NDUFAF6: variants seen among roughly 807,000 people sequenced by gnomAD.
NDUFAF6 encodes the protein NADH dehydrogenase (ubiquinone) complex I, assembly factor 6.
In NDUFAF6, 45 loss-of-function variants were observed where a neutral mutation model predicts 40.8. The ratio of observed to expected loss-of-function variants is 1.10; its 90% CI spans 0.87 to 1.42. The LOEUF is 1.42. NDUFAF6 is among the 40% of genes most tolerant of loss of function. The pLI is 0.00. For missense variants in NDUFAF6, 435 were observed against 418.5 expected (o/e 1.04, Z -0.34); for synonymous variants, 185 against 155.9 (o/e 1.19, Z -1.39).
chr8:95,011,919 G>C (rs952192117), intron 2 of NDUFAF6, among the ~76,000 whole-genome samples: 1 of 152,122 alleles, frequency 6.6e-6, no homozygotes, highest in Non-Finnish European at 1.5e-5. Flanking sequence ...TCTCTTTCCT[G>C]TACTGAAATT....
At chr8:94,921,454 A>G (rs1819497749) in intron 1 of NDUFAF6, among the ~76,000 whole-genome samples, 1 of 152,194 alleles carries the variant, frequency 6.6e-6, no homozygotes, top group African/African-American at 2.4e-5. Flanking sequence ...GGAGCTGGGA[A>G]TAGTGAATGC....
At chr8:94,899,066 A>G (rs776382587) in intron 1 of NDUFAF6, among the ~76,000 whole-genome samples, 3 of 152,192 alleles carry the variant, frequency 2.0e-5, no homozygotes, top group Admixed American at 1.3e-4. Context: ...AGGAAAAAAA[A>G]TCTTTGTATT....
At position 94,909,813 on chromosome 8, in the gene NDUFAF6, T is replaced by C. The variant is rs540490407; in HGVS notation, c.-936+13886T>C. 4.6e-3 allele frequency among the ~76,000 whole-genome samples: 681 copies of C among 146,936 alleles called. 4 individuals carry two copies. The highest frequency in any genetic ancestry group is 0.014 in the African/African-American group (550 of 39,632). ...GTATATATATACACATATATATATA[T>C]ACACACACACACACACATATATATA... On this transcript the variant is annotated intron_variant, in intron 1 of 14. Transcript: ENST00000396113.
intron 7 of NDUFAF6, among the ~76,000 whole-genome samples, chr8:95,049,142 CA>C (rs779048550): frequency 1.5e-4 from 23 of 152,156 alleles, no homozygotes; most frequent in Non-Finnish European, 2.6e-4. Context: ...CTCTAATAAA[CA>C]ATCACGAGTT....
intron 1 of NDUFAF6, among the ~76,000 whole-genome samples, chr8:94,978,516 G>C (rs757147246): frequency 6.6e-6 from 1 of 152,112 alleles, no homozygotes; most frequent in Non-Finnish European, 1.5e-5. Context: ...AGGAGTTTGA[G>C]ACTAGCTCTG....
intron 1 of NDUFAF6, 152 bp from the exon 2 acceptor site, chr8:95,031,843 C>T (rs565570217): frequency 3.5e-5 from 24 of 686,458 alleles, no homozygotes; most frequent in Admixed American, 1.1e-4. Context: ...TCAGGTGATC[C>T]GCCCGCCTTG....
chr8:95,051,934 G>A (rs775463375), intron 7 of NDUFAF6, among the ~76,000 whole-genome samples: 3 of 152,128 alleles, frequency 2.0e-5, no homozygotes, highest in Non-Finnish European at 4.4e-5. Flanking sequence ...ATGAGATATT[G>A]TAAGGTCGCT....
At chr8:94,914,683 G>A (rs943154766) in intron 1 of NDUFAF6, among the ~76,000 whole-genome samples, 4 of 152,134 alleles carry the variant, frequency 2.6e-5, no homozygotes, top group African/African-American at 9.7e-5. Context: ...TCAGCACTTT[G>A]GGAGGCCAAG....
At chr8:95,072,109 A>T (rs1832885695) in intron 9 of NDUFAF6, 1 of 152,266 alleles carries the variant, frequency 6.6e-6, no homozygotes, top group South Asian at 2.1e-4. Context: ...CATAAACCTC[A>T]GGACCAGCAC....
chr8:94,908,698 C>T (rs1215958260), intron 1 of NDUFAF6, among the ~76,000 whole-genome samples: 1 of 152,116 alleles, frequency 6.6e-6, no homozygotes, highest in African/African-American at 2.4e-5. Flanking sequence ...ACATCTTTAT[C>T]GTTCACAAGT....
chr8:94,943,392 C>T (rs1008823334), intron 1 of NDUFAF6, among the ~76,000 whole-genome samples: 18 of 152,074 alleles, frequency 1.2e-4, no homozygotes, highest in African/African-American at 3.4e-4. Flanking sequence ...GGGAGGCTGA[C>T]GTGGGAGGAT....
At chr8:95,110,472 T>C (rs1435911166) in intron 4 of NDUFAF6, among the ~76,000 whole-genome samples, 1 of 152,196 alleles carries the variant, frequency 6.6e-6, no homozygotes, top group Non-Finnish European at 1.5e-5. Flanking sequence ...TAACATACAT[T>C]GAGTGCTTCT....
chr8:94,937,751 T>C (rs1821133043), intron 1 of NDUFAF6, among the ~76,000 whole-genome samples: 1 of 152,194 alleles, frequency 6.6e-6, no homozygotes, highest in South Asian at 2.1e-4. Context: ...TTTTAAACCT[T>C]ATGTCAAAAT....
At chr8:94,927,875 T>A (rs1043195387) in intron 1 of NDUFAF6, 4 of 151,358 alleles carry the variant, frequency 2.6e-5, no homozygotes, top group African/African-American at 9.7e-5. Flanking sequence ...AAGAAATATG[T>A]CTAAAGCGCA....
At chr8:94,927,812 C>T (rs1820031970) in intron 1 of NDUFAF6, 1 of 152,330 alleles carries the variant, frequency 6.6e-6, no homozygotes, top group Admixed American at 6.6e-5. Context: ...TCTATGTTAA[C>T]AGTTTAGAGC....
At chr8:95,082,500 A>G (rs1231736513) in intron 2 of NDUFAF6, among the ~76,000 whole-genome samples, 1 of 142,702 alleles carries the variant, frequency 7.0e-6, no homozygotes, top group African/African-American at 2.6e-5. Context: ...AATACACTGT[A>G]TGATTTCCAA....
At chr8:95,095,613 A>AC (rs1809433550), upstream of NDUFAF6, among the ~76,000 whole-genome samples, 1 of 149,058 alleles carries the variant, frequency 6.7e-6, no homozygotes, top group Non-Finnish European at 1.5e-5. Context: ...TGCTCACTCC[A>AC]CCCCCATTAG....
At chr8:94,927,094 A>G (rs1285400253) in intron 1 of NDUFAF6, 1 of 152,614 alleles carries the variant, frequency 6.6e-6, no homozygotes, top group Non-Finnish European at 1.5e-5. Context: ...CTTGACTCAA[A>G]AAATGAAAAC....
At chr8:95,094,747 TC>T (rs1451707916) in intron 2 of NDUFAF6, among the ~76,000 whole-genome samples, 4 of 74,740 alleles carry the variant, frequency 5.4e-5, no homozygotes, top group East Asian at 8.4e-4. Flanking sequence ...TTCTTCTTCT[TC>T]TTCTTTTTTT....
Sources: allele counts gnomAD v4.1 joint callset (sites outside exome capture counted in the v4.1 genomes callset), GRCh38; gene constraint gnomAD v4.1.1; transcripts MANE v1.5; gene names NCBI Gene and HGNC (gene_info 2026-07-23, HGNC 2026-07-21).